The following DIP2C variants were observed in gnomAD, a reference collection of about 807,000 sequenced individuals.
The protein encoded by DIP2C is DIP2 acetate--CoA ligase C (putative), also known as disco-interacting protein 2 homolog C.
DIP2C carries 33 observed loss-of-function variants against 192.4 expected under a neutral mutation model. The observed-to-expected ratio is 0.17, with a 90% confidence interval of 0.13 to 0.23. The LOEUF (loss-of-function observed/expected upper bound fraction) is 0.23, where lower values mean the gene tolerates loss of function less well. Ranked by LOEUF, DIP2C falls within the 10% of genes least tolerant of loss-of-function variation. DIP2C has a pLI of 1.00. For missense variants in DIP2C, 1,537 were observed against 2,110.1 expected (o/e 0.73, Z 5.32); for synonymous variants, 979 against 864.1 (o/e 1.13, Z -2.33).
At chr10:628,126 G>A (rs530885725) in intron 1 of DIP2C, among the ~76,000 whole-genome samples, 1 of 152,316 alleles carries the variant, frequency 6.6e-6, no homozygotes, top group African/African-American at 2.4e-5. Context: ...AGAAACTGAG[G>A]CACAGAACGT....
chr10:378,507 A>G (rs1456048292), intron 17 of DIP2C, among the ~76,000 whole-genome samples: 1 of 150,752 alleles, frequency 6.6e-6, no homozygotes, highest in Non-Finnish European at 1.5e-5. Flanking sequence ...ACATGCATAA[A>G]GACACGTGAA....
In DIP2C at chr10:589,925, A is replaced by G. The variant is rs74539897; in HGVS notation, c.85+99569T>C. Reference sequence around the variant, plus strand: ...ATAATTTCACAACAGAATGAAATTCATAAGAACTGCTGAGAAGCGTGTGAT... The same window carrying G: ...ATAATTTCACAACAGAATGAAATTCGTAAGAACTGCTGAGAAGCGTGTGAT... On this transcript the variant is annotated intron_variant, in intron 1 of 36. Coordinates refer to ENST00000280886, the MANE Select transcript of DIP2C (RefSeq NM_014974.3). 1.1e-3 allele frequency among the ~76,000 whole-genome samples: 162 copies of G among 152,380 alleles called. 1 individual carries two copies. The South Asian group carries it at 0.015, about 14-fold the overall frequency.
In DIP2C at chr10:615,406, C is replaced by T. The variant is rs375377422; in HGVS notation, c.85+74088G>A. Among the ~76,000 whole-genome samples the T allele has an allele frequency of 5.9e-5, 9 of 152,242 alleles. No individual in the cohort carries two copies. In the East Asian group the frequency reaches 1.4e-3, roughly 23 times the overall value. On this transcript the variant is annotated intron_variant, in intron 1 of 36. Transcript: ENST00000280886. ...GTGTTTACAATGGAGACACAGGTGA[C>T]TATGAGGTCTGGCTTCCTCAGGGAC...
intron 1 of DIP2C, among the ~76,000 whole-genome samples, chr10:639,069 G>T (rs1291883281): frequency 6.6e-6 from 1 of 152,258 alleles, no homozygotes; most frequent in African/African-American, 2.4e-5. Flanking sequence ...CATGATGGAG[G>T]TCCCACAATG....
chr10:297,241 T>TACACACACACAC lies in DIP2C; in HGVS notation c.3987-8832_3987-8821dup, dbSNP rs140637166. On this transcript the variant is annotated intron_variant, in intron 32 of 36. Transcript: ENST00000280886. ...ACCAACCCCCCCCCACCCCACCACA[T>TACACACACACAC]ACACACACACACACACACACACACA... Among the ~76,000 whole-genome samples, 532 of 115,614 alleles carry TACACACACACAC rather than the reference T, an allele frequency of 4.6e-3. 4 individuals are homozygous for TACACACACACAC. The highest frequency in any genetic ancestry group is 0.014 in the African/African-American group (414 of 29,274). 75.8% of individuals were successfully genotyped at this position (115,614 alleles called of 152,430 possible). A position where few individuals can be genotyped will look rare whatever the true frequency, so the allele number is the denominator to read the frequency against.
At chr10:349,077 A>G (rs534245487) in intron 25 of DIP2C, among the ~76,000 whole-genome samples, 3 of 152,370 alleles carry the variant, frequency 2.0e-5, no homozygotes, top group African/African-American at 7.2e-5. Context: ...GAGGTATCTA[A>G]TAACACAAAT....
At chr10:433,453 G>A (rs994103669) in intron 4 of DIP2C, among the ~76,000 whole-genome samples, 1 of 152,058 alleles carries the variant, frequency 6.6e-6, no homozygotes, top group African/African-American at 2.4e-5. Context: ...GAGGCAGGAT[G>A]ATCACCTGAG....
At chr10:518,125 GCA>G (rs1392856705) in intron 1 of DIP2C, among the ~76,000 whole-genome samples, 7 of 152,338 alleles carry the variant, frequency 4.6e-5, no homozygotes, top group East Asian at 1.9e-4. Context: ...CTCGGTCTCT[GCA>G]CAGTCACAGG....
At chr10:488,801 C>G (rs1319683359) in intron 1 of DIP2C, among the ~76,000 whole-genome samples, 1 of 152,200 alleles carries the variant, frequency 6.6e-6, no homozygotes. Context: ...CACACATGCA[C>G]AGTTATCCTT....
intron 1 of DIP2C, among the ~76,000 whole-genome samples, chr10:660,975 G>A (rs1856723253): frequency 6.6e-6 from 1 of 152,170 alleles, no homozygotes; most frequent in African/African-American, 2.4e-5. Context: ...AAATATACGA[G>A]GCATTTCAGG....
At chr10:578,056 GATT>G (rs1260072141) in intron 1 of DIP2C, among the ~76,000 whole-genome samples, 2 of 152,252 alleles carry the variant, frequency 1.3e-5, no homozygotes, top group African/African-American at 2.4e-5. Flanking sequence ...TTAGATTTGA[GATT>G]ATTCTCAAAT....
At chr10:338,038 G>A (rs966481414) in intron 29 of DIP2C, among the ~76,000 whole-genome samples, 4 of 152,144 alleles carry the variant, frequency 2.6e-5, no homozygotes, top group Admixed American at 1.3e-4. Context: ...ATGTGTATGC[G>A]TGTATATATT....
intron 9 of DIP2C, among the ~76,000 whole-genome samples, chr10:400,298 A>G (rs1418410794): frequency 6.6e-6 from 1 of 152,190 alleles, no homozygotes; most frequent in African/African-American, 2.4e-5. Context: ...TGTTGGGATT[A>G]CAGATGTGAG....
chr10:368,390 G>T (rs1337201628), intron 18 of DIP2C, among the ~76,000 whole-genome samples: 5 of 152,212 alleles, frequency 3.3e-5, no homozygotes, highest in Non-Finnish European at 7.3e-5. Context: ...TAAAGAAATG[G>T]AGCCAGGGGG....
intron 2 of DIP2C, among the ~76,000 whole-genome samples, chr10:474,966 G>A (rs944645000): frequency 6.6e-6 from 1 of 151,962 alleles, no homozygotes; most frequent in Non-Finnish European, 1.5e-5. Context: ...CTGCAAATCA[G>A]GTTTTTCTTC....
At chr10:640,807 TG>T (rs1564295253) in intron 1 of DIP2C, among the ~76,000 whole-genome samples, 1 of 151,322 alleles carries the variant, frequency 6.6e-6, no homozygotes, top group Admixed American at 6.6e-5. Context: ...TCCGAGAACC[TG>T]GGGGCAGCAA....
chr10:305,048 TGCA>T (rs1956247252), intron 32 of DIP2C, among the ~76,000 whole-genome samples: 1 of 152,014 alleles, frequency 6.6e-6, no homozygotes, highest in African/African-American at 2.4e-5. Context: ...TGTCTATACT[TGCA>T]GCACACACTA....
At chr10:461,033 A>G (rs373949136) in intron 3 of DIP2C, among the ~76,000 whole-genome samples, 10 of 152,208 alleles carry the variant, frequency 6.6e-5, no homozygotes, top group African/African-American at 1.9e-4. Flanking sequence ...TCTGCCTTAC[A>G]AGAGCTCCTG....
chr10:479,362 T>G (rs1027176626), intron 2 of DIP2C, among the ~76,000 whole-genome samples: 3 of 133,936 alleles, frequency 2.2e-5, no homozygotes, highest in Non-Finnish European at 4.7e-5. Context: ...TAAGATGGAG[T>G]CTTGTTCTGT....
Sources: gnomAD v4.1 joint callset for allele counts (sites outside exome capture counted in the v4.1 genomes callset) on GRCh38, gnomAD v4.1.1 for gene constraint, MANE v1.5 for transcripts, NCBI Gene and HGNC (gene_info 2026-07-23, HGNC 2026-07-21) for gene names.